The following IL34 variants were observed in gnomAD, a reference collection of about 807,000 sequenced individuals.
The protein encoded by IL34 is interleukin 34, also known as interleukin-34.
Under a neutral mutation model 25.3 loss-of-function variants are expected in IL34, and 17 were observed. That is an observed-to-expected ratio of 0.67 (90% confidence interval 0.46 to 1.01). The LOEUF is 1.01. Among genes scored for constraint, IL34 ranks in the 50% least tolerant of loss-of-function variants. IL34 has a pLI of 0.00. For missense variants in IL34, 368 were observed against 312.9 expected (o/e 1.18, Z -1.33); for synonymous variants, 174 against 140.9 (o/e 1.23, Z -1.66).
At chr16:70,639,320 G>A (rs974359136) in intron 1 of IL34, among the ~76,000 whole-genome samples, 2 of 152,156 alleles carry the variant, frequency 1.3e-5, no homozygotes, top group Middle Eastern at 3.2e-3. Context: ...CAAATTACAC[G>A]GGCCTGGAGA....
rs968668775 is a variant in IL34, at chr16:70,656,037, A to C, written c.163-565A>C. 2.6e-5 allele frequency among the ~76,000 whole-genome samples: 4 copies of C among 152,342 alleles called. No homozygotes were observed. In the South Asian group the frequency reaches 8.3e-4, roughly 32 times the overall value. Reference sequence around the variant, plus strand: ...TTTAGAACATTCTCACCCACAAAATAACATGTTTTTCTTGAAGTAACGTGT... The same window carrying C: ...TTTAGAACATTCTCACCCACAAAATCACATGTTTTTCTTGAAGTAACGTGT... On this transcript the variant is annotated intron_variant, in intron 2 of 5. Coordinates refer to ENST00000288098, the MANE Select transcript of IL34 (RefSeq NM_001393494.1).
intron 1 of IL34, among the ~76,000 whole-genome samples, chr16:70,607,489 T>C (rs2051025135): frequency 6.6e-6 from 1 of 152,218 alleles, no homozygotes; most frequent in African/African-American, 2.4e-5. Flanking sequence ...TCCCCCTTTT[T>C]CTGGCCTGAT....
intron 1 of IL34, among the ~76,000 whole-genome samples, chr16:70,624,802 G>A (rs570522919): frequency 6.6e-6 from 1 of 152,100 alleles, no homozygotes; most frequent in Non-Finnish European, 1.5e-5. Flanking sequence ...GGAGGCTGAG[G>A]AAGAATTGGG....
intron 1 of IL34, among the ~76,000 whole-genome samples, chr16:70,617,580 C>G (rs994146104): frequency 7.3e-5 from 11 of 151,666 alleles, no homozygotes; most frequent in Admixed American, 2.0e-4. Flanking sequence ...TGGGCTGTAC[C>G]CCCTGTAGCA....
intron 1 of IL34, among the ~76,000 whole-genome samples, chr16:70,611,283 G>A (rs1015754039): frequency 6.6e-6 from 1 of 152,158 alleles, no homozygotes; most frequent in East Asian, 1.9e-4. Context: ...CCCCCAGATT[G>A]CCTGAACTCG....
At chr16:70,599,468 T>G (rs1361414743) in intron 1 of IL34, among the ~76,000 whole-genome samples, 2 of 151,798 alleles carry the variant, frequency 1.3e-5, no homozygotes, top group African/African-American at 4.8e-5. Context: ...GCGATTCTCC[T>G]GCCTCATCCT....
intron 1 of IL34, among the ~76,000 whole-genome samples, chr16:70,596,116 G>A: frequency 6.6e-6 from 1 of 152,146 alleles, no homozygotes; most frequent in Non-Finnish European, 1.5e-5. Context: ...GACAGATTTG[G>A]TGTCTGGTGT....
At position 70,646,630 on chromosome 16, in the gene IL34, G is replaced by A. The variant is rs2051936980; in HGVS notation, c.-318G>A. ...CCCCAGATTCCGAGGGGCCTGCCAG[G>A]GACTCTCTCCTCCTGCTCCTTGGAA... On this transcript the variant is annotated 5_prime_UTR_variant, in exon 1 of 6. Coordinates refer to ENST00000288098, the MANE Select transcript of IL34 (RefSeq NM_001393494.1). The A allele has an allele frequency of 2.6e-6, 1 of 383,414 alleles. No homozygotes were observed. Among genetic ancestry groups the A allele is most frequent in the East Asian group, 4.1e-5 (1 of 24,572 alleles). The allele number at this position is 383,414 out of a possible 1,614,324, so 23.8% of individuals were successfully genotyped here. A position where few individuals can be genotyped will look rare whatever the true frequency, so the allele number is the denominator to read the frequency against.
At chr16:70,638,879 C>T (rs2051717650) in intron 1 of IL34, among the ~76,000 whole-genome samples, 2 of 152,100 alleles carry the variant, frequency 1.3e-5, no homozygotes, top group African/African-American at 4.8e-5. Context: ...ACCGCACCAG[C>T]CCAGTTTGTT....
At chr16:70,651,258 A>G (rs1404299837) in intron 1 of IL34, among the ~76,000 whole-genome samples, 1 of 152,176 alleles carries the variant, frequency 6.6e-6, no homozygotes, top group Non-Finnish European at 1.5e-5. Flanking sequence ...AGGGCAAAGC[A>G]TGAGCCCAGG....
chr16:70,620,421 C>T (rs1219115322), intron 1 of IL34, among the ~76,000 whole-genome samples: 2 of 149,294 alleles, frequency 1.3e-5, no homozygotes, highest in African/African-American at 2.5e-5. Context: ...AAACTGTAAG[C>T]CCCACCAGGT....
chr16:70,654,644 G>A lies in IL34; in HGVS notation c.135G>A (p.Leu45=). 6.2e-7 allele frequency: 1 copy of A among 1,612,734 alleles called. No individual in the cohort carries two copies. Among genetic ancestry groups the A allele is most frequent in the Non-Finnish European group, 8.5e-7 (1 of 1,179,004 alleles). The change falls in exon 2 of 6, where the codon CTG becomes CTA. Residue 45 remains leucine, a synonymous_variant. Transcript: ENST00000288098. The stretch of plus-strand genomic sequence containing the variant: ...TCACGGGTTTTCTGCGGGACAAGCT[G>A]CAGTACAGGAGCCGACTTCAGTACA... ...CTVTGFLRDK[L]QYRSRLQYMK...
At chr16:70,640,944 A>ATAGGTATATACTCC (rs1439193778) in intron 1 of IL34, among the ~76,000 whole-genome samples, 1 of 152,142 alleles carries the variant, frequency 6.6e-6, no homozygotes, top group Non-Finnish European at 1.5e-5. Flanking sequence ...TACAGGGTAT[A>ATAGGTATATACTCC]TAGGTATATA....
intron 1 of IL34, among the ~76,000 whole-genome samples, chr16:70,625,836 T>C (rs949337857): frequency 2.0e-5 from 3 of 151,722 alleles, no homozygotes; most frequent in South Asian, 2.1e-4. Context: ...GTGAGGGAGA[T>C]TGGAAAAGAG....
At chr16:70,659,913 G>T (rs1019565461) in intron 5 of IL34, 84 bp from the exon 6 acceptor site, 6 of 1,484,400 alleles carry the variant, frequency 4.0e-6, no homozygotes, top group Admixed American at 4.3e-5. Context: ...TAGAGTGGGG[G>T]ACAAGCACAT....
At chr16:70,586,343 C>T (rs138951176) in intron 1 of IL34, among the ~76,000 whole-genome samples, 3 of 152,262 alleles carry the variant, frequency 2.0e-5, no homozygotes, top group Non-Finnish European at 2.9e-5. Context: ...GAAGCCAAGA[C>T]GGATCACTTG....
chr16:70,634,155 C>T (rs542060399), intron 1 of IL34, among the ~76,000 whole-genome samples: 2 of 152,124 alleles, frequency 1.3e-5, no homozygotes, highest in South Asian at 2.1e-4. Flanking sequence ...CCTGCAATCT[C>T]TCTCTTCTTA....
At chr16:70,608,019 C>T (rs985373240) in intron 1 of IL34, among the ~76,000 whole-genome samples, 6 of 151,990 alleles carry the variant, frequency 3.9e-5, no homozygotes, top group African/African-American at 1.4e-4. Context: ...CTGCCGGCCT[C>T]GGCTTCCCAA....
chr16:70,653,196 G>A (rs1479772264), intron 1 of IL34, among the ~76,000 whole-genome samples: 3 of 151,630 alleles, frequency 2.0e-5, no homozygotes, highest in Non-Finnish European at 4.4e-5. Flanking sequence ...CTGGGTGACA[G>A]AGAAAGATTC....
Sources: gnomAD v4.1 joint callset for allele counts (sites outside exome capture counted in the v4.1 genomes callset) on GRCh38, gnomAD v4.1.1 for gene constraint, MANE v1.5 for transcripts, NCBI Gene and HGNC (gene_info 2026-07-23, HGNC 2026-07-21) for gene names.